Variants in GADD45B observed in about 807,000 individuals in gnomAD.
GADD45B encodes growth arrest and DNA damage inducible beta.
GADD45B carries 8 observed loss-of-function variants against 15.2 expected under a neutral mutation model. That is an observed-to-expected ratio of 0.53 (90% confidence interval 0.31 to 0.95). GADD45B has a LOEUF of 0.95. Ranked by LOEUF, GADD45B falls within the 40% of genes least tolerant of loss-of-function variation. The pLI is 0.05. For synonymous variants in GADD45B, 100 were observed against 89.8 expected (o/e 1.11, Z -0.64); for missense variants, 162 against 216.6 (o/e 0.75, Z 1.58).
Position 2,477,469 on chromosome 19 carries a change from C to T in GADD45B, c.370-19C>T, listed in dbSNP as rs776089816. On this transcript the variant is annotated intron_variant, in intron 3 of 3. Coordinates refer to ENST00000215631, the MANE Select transcript of GADD45B (RefSeq NM_015675.4). This position sits in a 1 kb window ranked among gnomAD's most constrained non-coding sequence, Gnocchi z 4.2. Reference sequence around the variant, plus strand: ...GGGAGAGGGAGGCTCCACTAAACCCCTTCTTTTCCCTCCTACAGAACCCTC... The same window carrying T: ...GGGAGAGGGAGGCTCCACTAAACCCTTTCTTTTCCCTCCTACAGAACCCTC... The T allele has an allele frequency of 7.7e-6, 12 of 1,557,462 alleles. No homozygotes were observed. In the Admixed American group the frequency reaches 1.5e-4, roughly 20 times the overall value.
At chr19:2,476,497 G>C in intron 1 of GADD45B, 32 bp from the exon 2 acceptor site, 1 of 1,599,798 alleles carries the variant, frequency 6.3e-7, no homozygotes, top group Non-Finnish European at 8.6e-7. Context: ...CCGGTGGTCC[G>C]CCCGTCACTG....
chr19:2,477,491 C>T lies in GADD45B; in HGVS notation c.373C>T (p.Pro125Ser), dbSNP rs1186479018. Residue 125 changes from proline (P) to serine (S), a missense_variant, in exon 4 of 4, where the codon CCT becomes TCT. Physicochemically the swap from Pro to Ser is moderately conservative, Grantham distance 74 (BLOSUM62 -1). Transcript: ENST00000215631. This position sits in a 1 kb window ranked among gnomAD's most constrained non-coding sequence, Gnocchi z 4.2. ...RDLHCLLVTN[P>S]HTDAWKSHGL... ...CCCCTTCTTTTCCCTCCTACAGAAC[C>T]CTCACACGGACGCCTGGAAGAGCCA... 2.5e-6 allele frequency: 4 copies of T among 1,608,144 alleles called. No individual in the cohort carries two copies. The highest frequency in any genetic ancestry group is 2.2e-5 in the East Asian group (1 of 44,856).
At position 2,476,262 on chromosome 19, in the gene GADD45B, G is replaced by T. The variant is rs925677840; in HGVS notation, c.-97G>T. 3 of 1,169,934 alleles carry T rather than the reference G, an allele frequency of 2.6e-6. No homozygotes were observed. The highest frequency in any genetic ancestry group is 1.2e-5 in the South Asian group (1 of 82,060). The allele number at this position is 1,169,934 out of a possible 1,614,324, so 72.5% of individuals were successfully genotyped here. A position where few individuals can be genotyped will look rare whatever the true frequency, so the allele number is the denominator to read the frequency against. Reference sequence around the variant, plus strand: ...CCGAAGGTCTTGGACGAGCGCTCTAGCTCTGTGGGAAGGTTTTGGGCTCTC... The same window carrying T: ...CCGAAGGTCTTGGACGAGCGCTCTATCTCTGTGGGAAGGTTTTGGGCTCTC... On this transcript the variant is annotated 5_prime_UTR_variant, in exon 1 of 4. Transcript: ENST00000215631.
rs775818032 is a variant in GADD45B at position 2,476,367 on chromosome 19, G to A, written c.9G>A (p.Leu3=). 2 of 1,613,850 alleles carry A rather than the reference G, an allele frequency of 1.2e-6. No homozygotes were observed. Among genetic ancestry groups the A allele is most frequent in the South Asian group, 1.1e-5 (1 of 91,086 alleles). Residue 3 remains leucine (L), a synonymous_variant, in exon 1 of 4, where the codon CTG becomes CTA. Transcript: ENST00000215631. MT[L]EELVACDNAA... ...TGGATTATAATTGCAACATGACGCT[G>A]GAAGAGCTCGTGGCGTGCGACAACG...
rs3214277 is a variant in GADD45B at position 2,477,667 on chromosome 19, A to AC, written c.*71dup. The AC allele has an allele frequency of 0.25, 180,701 of 726,920 alleles. 25,703 individuals carry two copies. Among genetic ancestry groups the AC allele is most frequent in the East Asian group, 0.42 (14,466 of 34,400 alleles). 45.0% of individuals were successfully genotyped at this position (726,920 alleles called of 1,614,324 possible). ...AACAAAAAATACAATAAATATTTGA[A>AC]CCCCCTCCCCCCCAGCACAACCCCC... On this transcript the variant is annotated 3_prime_UTR_variant, in exon 4 of 4. Transcript: ENST00000215631. This position sits in a 1 kb window ranked among gnomAD's most constrained non-coding sequence, Gnocchi z 4.2.
chr19:2,476,536 ACGGTGACCGCCG>A lies in GADD45B; in HGVS notation c.58_69del (p.Thr20_Val23del). On this transcript the variant is annotated inframe_deletion, in exon 2 of 4. Coordinates refer to ENST00000215631, the MANE Select transcript of GADD45B (RefSeq NM_015675.4). The stretch of plus-strand genomic sequence containing the variant: ...CCTCTTTCCTGGTCTCAGGATGCAG[ACGGTGACCGCCG>A]CGGTGGAGGAGCTTTTGGTGGCCGC... 1 of 1,606,352 alleles carries A rather than the reference ACGGTGACCGCCG, an allele frequency of 6.2e-7. No individual in the cohort carries two copies. The highest frequency in any genetic ancestry group is 8.5e-7 in the Non-Finnish European group (1 of 1,174,628).
At position 2,477,011 on chromosome 19, in the gene GADD45B, A is replaced by T. The variant is rs756667231; in HGVS notation, c.147-18A>T. 8.3e-6 allele frequency: 13 copies of T among 1,570,698 alleles called. No homozygotes were observed. In the African/African-American group the frequency reaches 1.8e-4, roughly 21 times the overall value. ...CCCTGTCCCCGGCTGACCCATCCCT[A>T]CCCTTTGGCCCCCTCAGGGACCCAG... is the stretch of plus-strand genomic sequence containing the variant. On this transcript the variant is annotated intron_variant, in intron 2 of 3. Coordinates refer to ENST00000215631, the MANE Select transcript of GADD45B (RefSeq NM_015675.4). The surrounding 1 kb of genome is among the most constrained non-coding windows in gnomAD (Gnocchi z 4.2).
Position 2,477,430 on chromosome 19 carries a change from C to A in GADD45B, c.370-58C>A. 1.6e-6 allele frequency: 2 copies of A among 1,276,438 alleles called. No individual in the cohort carries two copies. Among genetic ancestry groups the A allele is most frequent in the Non-Finnish European group, 2.2e-6 (2 of 891,914 alleles). 79.1% of individuals were successfully genotyped at this position (1,276,438 alleles called of 1,614,324 possible). A position where few individuals can be genotyped will look rare whatever the true frequency, so the allele number is the denominator to read the frequency against. ...CTATTTTGAGCCTGACTGTTTTCCC[C>A]ACACAGGGGCCCCGGGAGAGGGAGG... On this transcript the variant is annotated intron_variant, in intron 3 of 3. Transcript: ENST00000215631. The surrounding 1 kb of genome is among the most constrained non-coding windows in gnomAD (Gnocchi z 4.2).
In GADD45B at chr19:2,477,330, C is replaced by T. The variant is rs1176194397; in HGVS notation, c.369+79C>T. On this transcript the variant is annotated intron_variant, in intron 3 of 3. Transcript: ENST00000215631. The surrounding 1 kb of genome is among the most constrained non-coding windows in gnomAD (Gnocchi z 4.2). Reference sequence around the variant, plus strand: ...TGTCAACAAAGTCGGGCTGACTGGTCCTGCACAGCTCAGCGCTCAGCCACG... The same window carrying T: ...TGTCAACAAAGTCGGGCTGACTGGTTCTGCACAGCTCAGCGCTCAGCCACG... The T allele has an allele frequency of 9.1e-7, 1 of 1,101,564 alleles. No homozygotes were observed. 68.2% of individuals were successfully genotyped at this position (1,101,564 alleles called of 1,614,324 possible). A position where few individuals can be genotyped will look rare whatever the true frequency, so the allele number is the denominator to read the frequency against.
intron 2 of GADD45B, 162 bp downstream of exon 2, chr19:2,476,792 C>A (rs3783498): frequency 3.2e-6 from 2 of 616,640 alleles, no homozygotes; most frequent in Non-Finnish European, 5.7e-6. Flanking sequence ...CGGGGGCTGC[C>A]GTATCCTGAT....
rs1555686730 is a variant in GADD45B at position 2,477,667 on chromosome 19, A to AT, written c.*66_*67insT. 26 of 728,058 alleles carry AT rather than the reference A, an allele frequency of 3.6e-5. No homozygotes were observed. The South Asian group carries it at 3.8e-4, about 11-fold the overall frequency. The allele number at this position is 728,058 out of a possible 1,614,324, so 45.1% of individuals were successfully genotyped here. A position where few individuals can be genotyped will look rare whatever the true frequency, so the allele number is the denominator to read the frequency against. ...AACAAAAAATACAATAAATATTTGA[A>AT]CCCCCTCCCCCCCAGCACAACCCCC... On this transcript the variant is annotated 3_prime_UTR_variant, in exon 4 of 4. Coordinates refer to ENST00000215631, the MANE Select transcript of GADD45B (RefSeq NM_015675.4). The surrounding 1 kb of genome is among the most constrained non-coding windows in gnomAD (Gnocchi z 4.2).
chr19:2,476,166 T>C lies in GADD45B; in HGVS notation c.-193T>C. The C allele has an allele frequency of 1.6e-6, 1 of 637,600 alleles. No individual in the cohort carries two copies. Among genetic ancestry groups the C allele is most frequent in the Non-Finnish European group, 2.8e-6 (1 of 361,522 alleles). 39.5% of individuals were successfully genotyped at this position (637,600 alleles called of 1,614,324 possible). A position where few individuals can be genotyped will look rare whatever the true frequency, so the allele number is the denominator to read the frequency against. On this transcript the variant is annotated 5_prime_UTR_variant, in exon 1 of 4. Coordinates refer to ENST00000215631, the MANE Select transcript of GADD45B (RefSeq NM_015675.4). The stretch of plus-strand genomic sequence containing the variant: ...TCGGACTACCGTTGGTTTCCGCAAC[T>C]TCCTGGATTATCCTCGCCAAGGACT...
At chr19:2,476,848 A>C (rs1972323203) in intron 2 of GADD45B, 181 bp from the exon 3 acceptor site, 4 of 602,362 alleles carry the variant, frequency 6.6e-6, no homozygotes, top group Non-Finnish European at 8.8e-6. Context: ...GTCTCCCCCT[A>C]CCCCATACTT....
In GADD45B at chr19:2,477,172, G is replaced by A; in HGVS notation, c.290G>A (p.Arg97His). 6.2e-7 allele frequency: 1 copy of A among 1,612,814 alleles called. No individual in the cohort carries two copies. Among genetic ancestry groups the A allele is most frequent in the Non-Finnish European group, 8.5e-7 (1 of 1,179,912 alleles). Reference protein sequence around the residue: ...INIVRVSGMQRLAQLLGEPAE... With the variant: ...INIVRVSGMQHLAQLLGEPAE... ...ATCGTGCGGGTGTCGGGCATGCAGC[G>A]CCTGGCGCAGCTCCTGGGAGAGCCG... The change falls in exon 3 of 4, where the codon CGC becomes CAC. Residue 97 changes from arginine (R) to histidine (H), a missense_variant. By Grantham distance (29) the Arg-to-His change is conservative. Coordinates refer to ENST00000215631, the MANE Select transcript of GADD45B (RefSeq NM_015675.4). The surrounding 1 kb of genome is among the most constrained non-coding windows in gnomAD (Gnocchi z 4.2).
rs915879386 is a variant in GADD45B at position 2,477,667 on chromosome 19, A to C, written c.*66A>C. ...AACAAAAAATACAATAAATATTTGA[A>C]CCCCCTCCCCCCCAGCACAACCCCC... On this transcript the variant is annotated 3_prime_UTR_variant, in exon 4 of 4. Transcript: ENST00000215631. This position sits in a 1 kb window ranked among gnomAD's most constrained non-coding sequence, Gnocchi z 4.2. 5 of 727,954 alleles carry C rather than the reference A, an allele frequency of 6.9e-6. No individual in the cohort carries two copies. The highest frequency in any genetic ancestry group is 1.8e-5 in the African/African-American group (1 of 55,304). The allele number at this position is 727,954 out of a possible 1,614,324, so 45.1% of individuals were successfully genotyped here. A position where few individuals can be genotyped will look rare whatever the true frequency, so the allele number is the denominator to read the frequency against.
chr19:2,476,196 AAT>A lies in GADD45B; in HGVS notation c.-158_-157del. On this transcript the variant is annotated 5_prime_UTR_variant, in exon 1 of 4. Coordinates refer to ENST00000215631, the MANE Select transcript of GADD45B (RefSeq NM_015675.4). ...GGATTATCCTCGCCAAGGACTTTGC[AAT>A]ATATTTTTCCGCCTTTTCTGGAAGG... 1 of 717,152 alleles carries A rather than the reference AAT, an allele frequency of 1.4e-6. No homozygotes were observed. The allele number at this position is 717,152 out of a possible 1,614,324, so 44.4% of individuals were successfully genotyped here.
chr19:2,477,389 C>A lies in GADD45B; in HGVS notation c.370-99C>A. 1 of 1,019,302 alleles carries A rather than the reference C, an allele frequency of 9.8e-7. No homozygotes were observed. The allele number at this position is 1,019,302 out of a possible 1,614,324, so 63.1% of individuals were successfully genotyped here. ...GTCCCGTGGGCAGCCGGGCTGGGGC[C>A]TCCTCACCCAGGAAGCTATTTTGAG... On this transcript the variant is annotated intron_variant, in intron 3 of 3. Coordinates refer to ENST00000215631, the MANE Select transcript of GADD45B (RefSeq NM_015675.4). The surrounding 1 kb of genome is among the most constrained non-coding windows in gnomAD (Gnocchi z 4.2).
rs1322479426 is a variant in GADD45B at position 2,476,728 on chromosome 19, C to G, written c.146+98C>G. On this transcript the variant is annotated intron_variant, in intron 2 of 3. Transcript: ENST00000215631. ...ACGCTTGTCTTGCATGGAGCTGGGACTTCCCCAAGTGCCCCCCGCTGTGGA... is the reference window on the plus strand; with the variant it reads ...ACGCTTGTCTTGCATGGAGCTGGGAGTTCCCCAAGTGCCCCCCGCTGTGGA... The G allele has an allele frequency of 1.2e-5, 9 of 752,108 alleles. No homozygotes were observed. In the South Asian group the frequency reaches 1.3e-4, roughly 11 times the overall value. The allele number at this position is 752,108 out of a possible 1,614,324, so 46.6% of individuals were successfully genotyped here. A position where few individuals can be genotyped will look rare whatever the true frequency, so the allele number is the denominator to read the frequency against.
Position 2,477,815 on chromosome 19 carries a change from G to T in GADD45B, c.*214G>T, listed in dbSNP as rs369700474. Reference sequence around the variant, plus strand: ...GGCGGAGATCCAGGAGCTGGCGGCCGCCGATCCGATGGAGAAGGGGGGACC... The same window carrying T: ...GGCGGAGATCCAGGAGCTGGCGGCCTCCGATCCGATGGAGAAGGGGGGACC... On this transcript the variant is annotated 3_prime_UTR_variant, in exon 4 of 4. Transcript: ENST00000215631. The surrounding 1 kb of genome is among the most constrained non-coding windows in gnomAD (Gnocchi z 4.2). The T allele has an allele frequency of 2.3e-4, 97 of 426,160 alleles. No individual in the cohort carries two copies. The highest frequency in any genetic ancestry group is 1.8e-3 in the African/African-American group (89 of 50,028). The allele number at this position is 426,160 out of a possible 1,614,324, so 26.4% of individuals were successfully genotyped here. A position where few individuals can be genotyped will look rare whatever the true frequency, so the allele number is the denominator to read the frequency against.
Sources: allele counts gnomAD v4.1 joint callset, GRCh38; gene constraint gnomAD v4.1.1; non-coding constraint Gnocchi (gnomAD v3.1); transcripts MANE v1.5; gene names NCBI Gene and HGNC (gene_info 2026-07-23, HGNC 2026-07-21).